The following NAV2 variants were observed in gnomAD, a reference collection of about 807,000 sequenced individuals.
The protein encoded by NAV2 is neuron navigator 2, also known as helicase, APC down-regulated 1.
Under a neutral mutation model 223.2 loss-of-function variants are expected in NAV2, and 54 were observed. The observed-to-expected ratio is 0.24, with a 90% CI of 0.19 to 0.30. The LOEUF (loss-of-function observed/expected upper bound fraction) is 0.30. Among genes scored for constraint, NAV2 ranks in the 10% least tolerant of loss-of-function variants. The probability of loss-of-function intolerance (pLI) is 1.00; values close to 1 mark genes in which losing one functional copy is unlikely to be tolerated. For synonymous variants in NAV2, 1,279 were observed against 1,239.3 expected, an observed-to-expected ratio of 1.03 and a Z score of -0.67; for missense variants, 2,806 against 3,147.5, an observed-to-expected ratio of 0.89 and a Z score of 2.60.
chr11:19,860,900 G>A (rs1254004028), intron 3 of NAV2, among the ~76,000 whole-genome samples: 24 of 151,964 alleles, frequency 1.6e-4, no homozygotes, highest in Middle Eastern at 3.2e-3. Flanking sequence ...GCGTGGCGGC[G>A]CGCGCCTGCA....
chr11:19,526,663 T>A (rs955960800), intron 1 of NAV2, among the ~76,000 whole-genome samples: 1 of 152,154 alleles, frequency 6.6e-6, no homozygotes, highest in Admixed American at 6.5e-5. Context: ...TCTTTCCCAC[T>A]TTCTCAGAGT....
chr11:19,372,976 T>G (rs776812280), intron 1 of NAV2, among the ~76,000 whole-genome samples: 1 of 152,240 alleles, frequency 6.6e-6, no homozygotes, highest in Non-Finnish European at 1.5e-5. Flanking sequence ...TTTATTCTCT[T>G]TGAAACCTAT....
intron 1 of NAV2, among the ~76,000 whole-genome samples, chr11:19,641,627 A>C (rs2047668545): frequency 6.6e-6 from 1 of 151,494 alleles, no homozygotes; most frequent in Middle Eastern, 3.2e-3. Flanking sequence ...GACCCCCACA[A>C]ACACAGTGAG....
At chr11:19,659,096 G>A (rs544301521) in intron 1 of NAV2, among the ~76,000 whole-genome samples, 1 of 152,300 alleles carries the variant, frequency 6.6e-6, no homozygotes, top group South Asian at 2.1e-4. Flanking sequence ...ATAATATAAA[G>A]AAAACTAAAG....
intron 1 of NAV2, among the ~76,000 whole-genome samples, chr11:19,758,935 G>T (rs2054484778): frequency 1.3e-5 from 2 of 152,116 alleles, no homozygotes; most frequent in Non-Finnish European, 2.9e-5. Flanking sequence ...CCCCCCTGAG[G>T]ATTGTGGAGG....
chr11:19,529,764 C>T (rs527411134), intron 1 of NAV2, among the ~76,000 whole-genome samples: 1 of 152,330 alleles, frequency 6.6e-6, no homozygotes, highest in African/African-American at 2.4e-5. Context: ...ACAGTAACCT[C>T]TTCAAATCAC....
At chr11:19,400,962 T>C (rs1849659979) in intron 1 of NAV2, among the ~76,000 whole-genome samples, 1 of 152,140 alleles carries the variant, frequency 6.6e-6, no homozygotes, top group Non-Finnish European at 1.5e-5. Context: ...TGGAGCTTTT[T>C]AGCATTTGGT....
intron 1 of NAV2, among the ~76,000 whole-genome samples, chr11:19,424,175 G>A (rs916846474): frequency 6.6e-6 from 1 of 152,194 alleles, no homozygotes; most frequent in Non-Finnish European, 1.5e-5. Flanking sequence ...TAATTTTTGT[G>A]TAATAAGCTG....
At chr11:19,665,534 T>C (rs181143535) in intron 1 of NAV2, among the ~76,000 whole-genome samples, 4 of 152,258 alleles carry the variant, frequency 2.6e-5, no homozygotes, top group Admixed American at 2.6e-4. Context: ...TTCTGTAAAA[T>C]GGGGATATTA....
chr11:19,598,877 A>G (rs1039541569), intron 1 of NAV2, among the ~76,000 whole-genome samples: 4 of 130,610 alleles, frequency 3.1e-5, no homozygotes, highest in African/African-American at 1.9e-4. Context: ...ACGTTCTTTT[A>G]TGGCCTGTGT....
chr11:19,413,362 A>G (rs972089311), intron 1 of NAV2, among the ~76,000 whole-genome samples: 4 of 152,222 alleles, frequency 2.6e-5, no homozygotes, highest in South Asian at 2.1e-4. Flanking sequence ...AAGCATGAAG[A>G]CAAGATTAGA....
intron 6 of NAV2, among the ~76,000 whole-genome samples, chr11:19,919,659 C>G (rs1457944563): frequency 3.3e-5 from 5 of 152,210 alleles, no homozygotes; most frequent in Non-Finnish European, 7.3e-5. Flanking sequence ...AGAATAACGC[C>G]ACCAAAATTT....
rs186078205 is a variant in NAV2, at chr11:20,082,977, G to A, written c.5326-30G>A. 2.8e-5 allele frequency: 44 copies of A among 1,591,010 alleles called. No homozygotes were observed. The East Asian group carries it at 6.1e-4, about 22-fold the overall frequency. ...CAAGGCCTAAGCATTGGTTGCCCCC[G>A]CTGTGAGACTGACAGTCTTGTATAT... On this transcript the variant is annotated intron_variant, in intron 25 of 37. Transcript: ENST00000349880.
chr11:20,068,303 C>A, intron 21 of NAV2, 21 bp from the exon 22 acceptor site: 1 of 1,613,040 alleles, frequency 6.2e-7, no homozygotes. Flanking sequence ...AGCATGTAAC[C>A]CTCTCCCTTG....
intron 1 of NAV2, among the ~76,000 whole-genome samples, chr11:19,500,935 G>A (rs2042944658): frequency 6.6e-6 from 1 of 152,270 alleles, no homozygotes; most frequent in South Asian, 2.1e-4. Flanking sequence ...CACTTTCATA[G>A]GTTAGAAGTC....
At chr11:19,778,063 G>A in intron 1 of NAV2, 1 of 440,074 alleles carries the variant, frequency 2.3e-6, no homozygotes, top group South Asian at 1.6e-5. Context: ...AACCATCCAG[G>A]GTGCAGGTAC....
At chr11:19,599,984 A>C (rs1209919055) in intron 1 of NAV2, among the ~76,000 whole-genome samples, 1 of 152,190 alleles carries the variant, frequency 6.6e-6, no homozygotes, top group Non-Finnish European at 1.5e-5. Flanking sequence ...CTGTGAAGTA[A>C]GTATTTCAGT....
chr11:19,528,641 G>A (rs954988378), intron 1 of NAV2, among the ~76,000 whole-genome samples: 9 of 150,538 alleles, frequency 6.0e-5, no homozygotes, highest in Non-Finnish European at 1.3e-4. Context: ...CATTTTTTAA[G>A]AATGGGAAGG....
intron 10 of NAV2, among the ~76,000 whole-genome samples, chr11:19,968,574 A>T (rs1391613165): frequency 1.3e-5 from 2 of 152,194 alleles, no homozygotes; most frequent in Non-Finnish European, 2.9e-5. Flanking sequence ...GTGCTCTCTC[A>T]GTATGCAGAT....
Sources: gnomAD v4.1 joint callset for allele counts (sites outside exome capture counted in the v4.1 genomes callset) on GRCh38, gnomAD v4.1.1 for gene constraint, MANE v1.5 for transcripts, NCBI Gene and HGNC (gene_info 2026-07-23, HGNC 2026-07-21) for gene names.